ATP10B: variants seen among roughly 807,000 people sequenced by gnomAD.
The protein encoded by ATP10B is phospholipid-transporting ATPase VB.
ATP10B carries 122 observed loss-of-function variants against 141.2 expected under a neutral mutation model. That is an observed-to-expected ratio of 0.86 (90% CI 0.75 to 1.00). ATP10B has a LOEUF of 1.00. Among genes scored for constraint, ATP10B ranks in the 50% least tolerant of loss-of-function variants. The pLI, the probability that ATP10B is intolerant of heterozygous loss-of-function variation, is 0.00. For synonymous variants in ATP10B, 685 were observed against 692.0 expected (o/e 0.99, Z 0.16); for missense variants, 1,876 against 1,825.3 (o/e 1.03, Z -0.51).
At chr5:160,865,136 A>G in the ATP10B span, among the ~76,000 whole-genome samples, 1 of 152,186 alleles carries the variant, frequency 6.6e-6, no homozygotes, top group African/African-American at 2.4e-5. Context: ...GGCAAAAAGT[A>G]CAAATCTGGA....
In ATP10B at chr5:160,822,385, A is replaced by C. The variant is rs1389699784; in HGVS notation, c.-576+29556T>G. Among the ~76,000 whole-genome samples the C allele has an allele frequency of 2.6e-5, 4 of 152,184 alleles. No individual in the cohort carries two copies. In the East Asian group the frequency reaches 7.7e-4, roughly 29 times the overall value. Reference sequence around the variant, plus strand: ...AAGAAATGCTGGCAAGGATATGAAGAAAAGGGAACCCTTGTACGCTGTTAG... The same window carrying C: ...AAGAAATGCTGGCAAGGATATGAAGCAAAGGGAACCCTTGTACGCTGTTAG... On this transcript the variant is annotated intron_variant, in intron 1 of 25. Transcript: ENST00000327245.
the ATP10B span, among the ~76,000 whole-genome samples, chr5:160,871,494 T>C: frequency 6.6e-6 from 1 of 152,008 alleles, no homozygotes; most frequent in Non-Finnish European, 1.5e-5. Context: ...TGCACCATAT[T>C]TGTAGTCTTT....
At chr5:160,633,928 T>C (rs1759131208) in intron 12 of ATP10B, 1 of 334,432 alleles carries the variant, frequency 3.0e-6, no homozygotes, top group African/African-American at 2.1e-5. Flanking sequence ...AGACATCTTC[T>C]GGATGTATTA....
intron 23 of ATP10B, 59 bp downstream of exon 23, chr5:160,591,000 T>C: frequency 7.0e-7 from 1 of 1,434,914 alleles, no homozygotes; most frequent in Non-Finnish European, 9.8e-7. Context: ...GAACTTTATA[T>C]AAAAAGGACC....
rs76210420 is a variant in ATP10B, at chr5:160,766,972, G to A, written c.-331+18587C>T. 8.4e-3 allele frequency among the ~76,000 whole-genome samples: 1,275 copies of A among 152,206 alleles called. 7 individuals are homozygous for A. Among genetic ancestry groups the A allele is most frequent in the Non-Finnish European group, 0.012 (816 of 68,006 alleles). Reference sequence around the variant, plus strand: ...ACTCAGTCTTTGGGGGATTTTTCAAGCTTGGTGGAGAAGTTCCAGGCTCCC... The same window carrying A: ...ACTCAGTCTTTGGGGGATTTTTCAAACTTGGTGGAGAAGTTCCAGGCTCCC... On this transcript the variant is annotated intron_variant, in intron 2 of 25. Transcript: ENST00000327245.
At chr5:160,802,231 T>C (rs1270138395) in intron 1 of ATP10B, among the ~76,000 whole-genome samples, 2 of 152,210 alleles carry the variant, frequency 1.3e-5, no homozygotes, top group Non-Finnish European at 2.9e-5. Flanking sequence ...ACCTCATGAC[T>C]GCCTTCTTCC....
the ATP10B span, among the ~76,000 whole-genome samples, chr5:160,871,537 A>G: frequency 6.6e-6 from 1 of 151,706 alleles, no homozygotes; most frequent in African/African-American, 2.4e-5. Context: ...TTTTCCCTCC[A>G]AGTTCCCAAA....
chr5:160,596,303 C>T (rs1437824441), intron 22 of ATP10B, among the ~76,000 whole-genome samples: 1 of 152,110 alleles, frequency 6.6e-6, no homozygotes, highest in Non-Finnish European at 1.5e-5. Flanking sequence ...ACGTGATTAT[C>T]CCAATAGATG....
chr5:160,690,495 T>C (rs1338776018), intron 3 of ATP10B, among the ~76,000 whole-genome samples: 1 of 151,992 alleles, frequency 6.6e-6, no homozygotes, highest in African/African-American at 2.4e-5. Context: ...ACAAAGAATT[T>C]AAACAAATTT....
chr5:160,818,164 T>G (rs745587626), intron 1 of ATP10B, among the ~76,000 whole-genome samples: 68 of 152,222 alleles, frequency 4.5e-4, no homozygotes, highest in East Asian at 1.4e-3. Context: ...CTAATTAAAC[T>G]AAAGAGCTTC....
At chr5:160,881,366 T>G in the ATP10B span, among the ~76,000 whole-genome samples, 1 of 152,324 alleles carries the variant, frequency 6.6e-6, no homozygotes, top group Admixed American at 6.5e-5. Flanking sequence ...CACAGCTGCT[T>G]AAGAAGACAG....
intron 2 of ATP10B, among the ~76,000 whole-genome samples, chr5:160,774,254 C>T (rs938053719): frequency 6.6e-5 from 10 of 152,280 alleles, no homozygotes; most frequent in East Asian, 1.9e-4. Flanking sequence ...CTAATGAGGA[C>T]GGAGTTCTCC....
chr5:160,757,522 A>T (rs1207740850), intron 2 of ATP10B, among the ~76,000 whole-genome samples: 1 of 152,242 alleles, frequency 6.6e-6, no homozygotes, highest in Non-Finnish European at 1.5e-5. Flanking sequence ...AGATTGAAAG[A>T]TTAGACATGA....
At chr5:160,622,007 C>T (rs565770159) in intron 14 of ATP10B, among the ~76,000 whole-genome samples, 74 of 152,234 alleles carry the variant, frequency 4.9e-4, no homozygotes, top group African/African-American at 1.1e-3. Flanking sequence ...ACTATTTCTT[C>T]GCTTGTTAAA....
At chr5:160,632,397 A>G (rs778003013) in intron 12 of ATP10B, 30 bp from the exon 13 acceptor site, 2 of 1,599,366 alleles carry the variant, frequency 1.3e-6, no homozygotes, top group East Asian at 2.2e-5. Flanking sequence ...TTATTGCACT[A>G]GTTGTACCTC....
intron 9 of ATP10B, among the ~76,000 whole-genome samples, chr5:160,642,450 C>A (rs887484038): frequency 3.9e-5 from 6 of 152,078 alleles, no homozygotes; most frequent in African/African-American, 1.4e-4. Context: ...AATTCTGGAC[C>A]ATTGCTCTCA....
chr5:160,798,537 A>G (rs917818904), intron 1 of ATP10B, among the ~76,000 whole-genome samples: 32 of 152,122 alleles, frequency 2.1e-4, no homozygotes, highest in Non-Finnish European at 1.2e-4. Flanking sequence ...GTTGCCGGCC[A>G]TCACCAGAAG....
intron 1 of ATP10B, among the ~76,000 whole-genome samples, chr5:160,831,790 C>T (rs1356526491): frequency 2.0e-5 from 3 of 152,188 alleles, no homozygotes; most frequent in Admixed American, 2.0e-4. Context: ...AAATTGTTTA[C>T]AGTTCTATAG....
intron 1 of ATP10B, among the ~76,000 whole-genome samples, chr5:160,846,206 G>T (rs1776106289): frequency 6.6e-6 from 1 of 152,152 alleles, no homozygotes; most frequent in Non-Finnish European, 1.5e-5. Flanking sequence ...ATTTAGAAAT[G>T]AGTGCCTAAA....
Sources: allele counts gnomAD v4.1 joint callset (sites outside exome capture counted in the v4.1 genomes callset), GRCh38; gene constraint gnomAD v4.1.1; transcripts MANE v1.5; gene names NCBI Gene and HGNC (gene_info 2026-07-23, HGNC 2026-07-21).